The following ENOX1 variants were observed in gnomAD, a reference collection of about 807,000 sequenced individuals.
ENOX1 encodes the protein candidate growth-related and time keeping constitutive hydroquinone (NADH) oxidase.
Under a neutral mutation model 82.5 loss-of-function variants are expected in ENOX1, and 42 were observed. The observed-to-expected ratio is 0.51, with a 90% CI of 0.40 to 0.66. ENOX1 has a LOEUF of 0.66. Ranked by LOEUF, ENOX1 falls within the 30% of genes least tolerant of loss-of-function variation. The pLI is 0.00. For missense variants in ENOX1, 608 were observed against 811.6 expected, an observed-to-expected ratio of 0.75 and a Z score of 3.05; for synonymous variants, 271 against 282.2, an observed-to-expected ratio of 0.96 and a Z score of 0.40.
intron 1 of ENOX1, among the ~76,000 whole-genome samples, chr13:43,751,105 C>T (rs1950286139): frequency 6.6e-6 from 1 of 152,128 alleles, no homozygotes; most frequent in Admixed American, 6.6e-5. Context: ...CTCGTAAGTC[C>T]CCAAATTATC....
intron 2 of ENOX1, among the ~76,000 whole-genome samples, chr13:43,598,149 T>C (rs1417064900): frequency 2.0e-5 from 3 of 151,686 alleles, no homozygotes; most frequent in Non-Finnish European, 4.4e-5. Context: ...ATTGATACCA[T>C]ATTGCTAGCC....
intron 1 of ENOX1, among the ~76,000 whole-genome samples, chr13:43,673,542 T>C (rs2085366915): frequency 6.6e-6 from 1 of 152,234 alleles, no homozygotes; most frequent in Non-Finnish European, 1.5e-5. Flanking sequence ...TCAGCTTCAC[T>C]TGGTTTGGCC....
intron 13 of ENOX1, among the ~76,000 whole-genome samples, chr13:43,266,947 C>T (rs190431931): frequency 2.6e-4 from 39 of 152,236 alleles, no homozygotes; most frequent in Non-Finnish European, 3.8e-4. Flanking sequence ...CATAAATGTG[C>T]CAGTTGCTCT....
intron 2 of ENOX1, among the ~76,000 whole-genome samples, chr13:43,484,568 A>G (rs74559554): frequency 0.014 from 2,088 of 152,294 alleles, 20 homozygotes; most frequent in Non-Finnish European, 0.021. Flanking sequence ...GATGAGAAAA[A>G]AATGCACAGA....
intron 12 of ENOX1, among the ~76,000 whole-genome samples, chr13:43,289,236 A>G (rs2045869829): frequency 6.6e-6 from 1 of 152,204 alleles, no homozygotes; most frequent in South Asian, 2.1e-4. Flanking sequence ...TTCATATGGA[A>G]CCAAAAAGAG....
In ENOX1 at chr13:43,361,436, TG is replaced by T; in HGVS notation, c.224del (p.Pro75GlnfsTer9). The T allele has an allele frequency of 6.2e-7, 1 of 1,612,180 alleles. No individual in the cohort carries two copies. Among genetic ancestry groups the T allele is most frequent in the Non-Finnish European group, 8.5e-7 (1 of 1,179,582 alleles). On this transcript the variant is annotated frameshift_variant, in exon 6 of 17. Coordinates refer to ENST00000690772, the MANE Select transcript of ENOX1 (RefSeq NM_001347969.2). LOFTEE classifies it high-confidence loss of function. ...TCATGTTGAGGCTTGGATCAAAGCC[TG>T]GGACACAGATTGAGTCTGTAAAGTA... ...QQLVSDSICV[P>X]GFDPSLNMMT... is the part of the protein sequence containing the mutation.
chr13:43,780,160 C>CA (rs775373870), intron 1 of ENOX1, among the ~76,000 whole-genome samples: 346 of 95,936 alleles, frequency 3.6e-3, no homozygotes, highest in Middle Eastern at 0.019. Flanking sequence ...GACTCTGTCT[C>CA]AAAAAAAAAA....
intron 11 of ENOX1, among the ~76,000 whole-genome samples, chr13:43,315,872 T>C (rs10492573): frequency 0.1 from 15,563 of 152,236 alleles, 951 homozygotes; most frequent in Middle Eastern, 0.15. Flanking sequence ...CTTACCGGAA[T>C]GAAATGCCCA....
At position 43,622,438 on chromosome 13, in the gene ENOX1, T is replaced by C. The variant is rs2082777371; in HGVS notation, c.-219+45041A>G. On this transcript the variant is annotated intron_variant, in intron 2 of 16. Coordinates refer to ENST00000690772, the MANE Select transcript of ENOX1 (RefSeq NM_001347969.2). The stretch of plus-strand genomic sequence containing the variant: ...TCAGATTCTTTTGTCTCATGTGGTG[T>C]TCCCTTGATGTAGTACTCTCCCCCT... Among the ~76,000 whole-genome samples the C allele has an allele frequency of 3.3e-5, 5 of 152,328 alleles. No individual in the cohort carries two copies. In the South Asian group the frequency reaches 1.0e-3, roughly 32 times the overall value.
intron 3 of ENOX1, among the ~76,000 whole-genome samples, chr13:43,452,702 T>C (rs2057032193): frequency 6.6e-6 from 1 of 152,210 alleles, no homozygotes; most frequent in Non-Finnish European, 1.5e-5. Context: ...TTTGTATTCT[T>C]AGTAGAGATT....
chr13:43,410,053 G>A (rs575586783), intron 5 of ENOX1, among the ~76,000 whole-genome samples: 4 of 152,270 alleles, frequency 2.6e-5, no homozygotes, highest in South Asian at 2.1e-4. Flanking sequence ...CTTCTATAAC[G>A]CGTAGGGCTG....
At chr13:43,342,810 A>T (rs906480223) in intron 9 of ENOX1, among the ~76,000 whole-genome samples, 3 of 152,228 alleles carry the variant, frequency 2.0e-5, no homozygotes, top group Non-Finnish European at 2.9e-5. Flanking sequence ...CACATACTAC[A>T]CTTTTCTGTC....
At chr13:43,733,720 T>C (rs1219580844) in intron 1 of ENOX1, among the ~76,000 whole-genome samples, 1 of 152,196 alleles carries the variant, frequency 6.6e-6, no homozygotes, top group African/African-American at 2.4e-5. Flanking sequence ...AAAGGTTGAA[T>C]TGTGTCCCCC....
At chr13:43,471,196 A>G (rs1445050255) in intron 3 of ENOX1, among the ~76,000 whole-genome samples, 1 of 152,210 alleles carries the variant, frequency 6.6e-6, no homozygotes, top group Non-Finnish European at 1.5e-5. Flanking sequence ...ACATTATGCT[A>G]TATGAAAGGA....
intron 10 of ENOX1, among the ~76,000 whole-genome samples, chr13:43,323,060 G>T (rs141866011): frequency 1.8e-3 from 281 of 152,302 alleles, no homozygotes; most frequent in African/African-American, 6.5e-3. Flanking sequence ...CACTTGGTTT[G>T]CTCAGTTGAT....
At chr13:43,769,082 G>A (rs768284335) in intron 1 of ENOX1, among the ~76,000 whole-genome samples, 5 of 152,214 alleles carry the variant, frequency 3.3e-5, no homozygotes, top group African/African-American at 4.8e-5. Context: ...AACTCTTGCT[G>A]CTTCTATTTA....
At chr13:43,585,310 T>G (rs1358792637) in intron 2 of ENOX1, among the ~76,000 whole-genome samples, 1 of 152,228 alleles carries the variant, frequency 6.6e-6, no homozygotes, top group Non-Finnish European at 1.5e-5. Flanking sequence ...AGGGCAGCCC[T>G]GCTGACACCT....
chr13:43,293,520 A>C (rs2046124149), intron 12 of ENOX1, among the ~76,000 whole-genome samples: 1 of 152,062 alleles, frequency 6.6e-6, no homozygotes, highest in African/African-American at 2.4e-5. Context: ...CAGTCCCTTC[A>C]TCTCCAGAGC....
At chr13:43,739,563 T>A (rs546580764) in intron 1 of ENOX1, among the ~76,000 whole-genome samples, 304 of 127,982 alleles carry the variant, frequency 2.4e-3, no homozygotes, top group African/African-American at 7.3e-3. Context: ...TAATAATAAT[T>A]ATTATTATTA....
Sources: allele counts gnomAD v4.1 joint callset (sites outside exome capture counted in the v4.1 genomes callset), GRCh38; gene constraint gnomAD v4.1.1; transcripts MANE v1.5; gene names NCBI Gene and HGNC (gene_info 2026-07-23, HGNC 2026-07-21).